Variants in MAP4K1 observed in about 807,000 individuals in gnomAD.
MAP4K1 encodes the protein MAPK/ERK kinase kinase kinase 1.
A neutral mutation model predicts 122.8 loss-of-function variants in MAP4K1; 35 were observed. The ratio of observed to expected loss-of-function variants is 0.29; its 90% CI spans 0.22 to 0.38. MAP4K1 has a LOEUF of 0.38. Ranked by LOEUF, MAP4K1 falls within the 10% of genes least tolerant of loss-of-function variation. MAP4K1 has a pLI of 1.00. For missense variants in MAP4K1, 791 were observed against 1,072.6 expected, an observed-to-expected ratio of 0.74 and a Z score of 3.67; for synonymous variants, 412 against 421.3, an observed-to-expected ratio of 0.98 and a Z score of 0.27.
At chr19:38,614,536 G>A (rs1024570100) in intron 4 of MAP4K1, 91 bp from the exon 5 acceptor site, 18 of 1,394,438 alleles carry the variant, frequency 1.3e-5, no homozygotes, top group Non-Finnish European at 1.8e-5. Flanking sequence ...AGCTAAGAGG[G>A]TGCCATAGGG....
chr19:38,598,762 C>G (rs1974964206), intron 22 of MAP4K1, among the ~76,000 whole-genome samples: 1 of 152,062 alleles, frequency 6.6e-6, no homozygotes, highest in South Asian at 2.1e-4. Flanking sequence ...ACCTGTAATC[C>G]CAGCACTTTG....
intron 19 of MAP4K1, among the ~76,000 whole-genome samples, chr19:38,604,894 C>G (rs1340147459): frequency 6.6e-6 from 1 of 151,814 alleles, no homozygotes; most frequent in Non-Finnish European, 1.5e-5. Flanking sequence ...CAAGACGAGC[C>G]TAACCAACAT....
chr19:38,593,372 A>G, intron 29 of MAP4K1, 35 bp from the exon 30 acceptor site: 1 of 1,567,188 alleles, frequency 6.4e-7, no homozygotes, highest in Non-Finnish European at 8.7e-7. Context: ...AGTGCCTGGA[A>G]GATACCTCCA....
At chr19:38,595,770 T>G (rs778322111) in intron 27 of MAP4K1, 41 bp from the exon 28 acceptor site, 2 of 1,544,312 alleles carry the variant, frequency 1.3e-6, no homozygotes, top group Admixed American at 1.7e-5. Flanking sequence ...TGAGCAAGGC[T>G]TAGAGGGTTA....
intron 19 of MAP4K1, among the ~76,000 whole-genome samples, chr19:38,605,144 G>A (rs1002469932): frequency 1.3e-5 from 2 of 150,846 alleles, no homozygotes; most frequent in Non-Finnish European, 2.9e-5. Context: ...CTCCTCAAAG[G>A]TATTTATATG....
At chr19:38,590,573 G>A (rs982551916) in intron 30 of MAP4K1, among the ~76,000 whole-genome samples, 1 of 151,044 alleles carries the variant, frequency 6.6e-6, no homozygotes, top group South Asian at 2.1e-4. Flanking sequence ...CCACCTCTCC[G>A]ATTCAAGTGA....
Position 38,605,413 on chromosome 19 carries a change from C to A in MAP4K1, c.1442G>T (p.Arg481Ile). 1 of 1,552,872 alleles carries A rather than the reference C, an allele frequency of 6.4e-7. No individual in the cohort carries two copies. Among genetic ancestry groups the A allele is most frequent in the East Asian group, 2.4e-5 (1 of 42,260 alleles). ...CTCAGCAGAGCTGAACCTCACCTTT[C>A]TCTTCATCTTTTCCTTCTTGGGGGG... ...LLPPKKEKMKRKGCALLVKLF... is the reference protein window; with the variant it reads ...LLPPKKEKMKIKGCALLVKLF... Residue 481 changes from arginine (R) to isoleucine (I), a missense_variant, in exon 19 of 31, where the codon AGA becomes ATA. By Grantham distance (97) the Arg-to-Ile change is moderately conservative (BLOSUM62 -3). Around this residue, in one of 4 missense-constraint regions of MAP4K1, gnomAD observed 303 missense variants for 344.8 expected, o/e 0.88. Transcript: ENST00000396857.
Position 38,588,632 on chromosome 19 carries a change from G to A in MAP4K1, c.2397-815C>T, listed in dbSNP as rs567426207. Among the ~76,000 whole-genome samples the A allele has an allele frequency of 5.3e-5, 8 of 151,788 alleles. No individual in the cohort carries two copies. The East Asian group carries it at 1.5e-3, about 29-fold the overall frequency. On this transcript the variant is annotated intron_variant, in intron 30 of 30. Transcript: ENST00000396857. ...GCCAGGTGTGGTGGCAGGCACTATA[G>A]TCCCAGCTACTCGGGAGGCTGAGGC...
intron 19 of MAP4K1, 117 bp downstream of exon 19, chr19:38,605,292 G>A: frequency 1.3e-6 from 1 of 757,444 alleles, no homozygotes; most frequent in African/African-American, 1.7e-5. Flanking sequence ...AGGGCACAGA[G>A]AAGCGCTCAA....
chr19:38,589,695 G>C (rs1244438171), intron 30 of MAP4K1, among the ~76,000 whole-genome samples: 1 of 152,086 alleles, frequency 6.6e-6, no homozygotes, highest in African/African-American at 2.4e-5. Flanking sequence ...GATTACAGGC[G>C]TGAGCCACCG....
At chr19:38,595,428 G>C in intron 29 of MAP4K1, 57 bp downstream of exon 29, 1 of 1,564,544 alleles carries the variant, frequency 6.4e-7, no homozygotes, top group South Asian at 1.1e-5. Flanking sequence ...CCCATCTGAT[G>C]AATGTCATGA....
At chr19:38,596,636 C>T (rs866576011) in intron 25 of MAP4K1, 150 bp from the exon 26 acceptor site, 20 of 718,042 alleles carry the variant, frequency 2.8e-5, no homozygotes, top group Non-Finnish European at 4.2e-5. Flanking sequence ...GGCCTGGTGC[C>T]TCCGCGGGAA....
intron 22 of MAP4K1, among the ~76,000 whole-genome samples, chr19:38,598,521 G>A (rs1401460960): frequency 6.6e-6 from 1 of 151,844 alleles, no homozygotes; most frequent in Non-Finnish European, 1.5e-5. Flanking sequence ...TAGTAGAGAC[G>A]AGGTCTCACT....
chr19:38,600,799 A>ATTT (rs560496607), intron 20 of MAP4K1, among the ~76,000 whole-genome samples: 193 of 90,976 alleles, frequency 2.1e-3, no homozygotes, highest in Non-Finnish European at 2.8e-3. Flanking sequence ...CCCTCTACCC[A>ATTT]TTTTTTTTTT....
At chr19:38,608,248 T>A in intron 13 of MAP4K1, 78 bp from the exon 14 acceptor site, 1 of 534,054 alleles carries the variant, frequency 1.9e-6, no homozygotes, top group Non-Finnish European at 3.2e-6. Context: ...ACAGAAAGAG[T>A]AGAATTGGCG....
In MAP4K1 at chr19:38,590,433, ATAT is replaced by A. The variant is rs1568619089; in HGVS notation, c.2397-2619_2397-2617del. Among the ~76,000 whole-genome samples the A allele has an allele frequency of 4.8e-4, 61 of 125,908 alleles. 1 individual carries two copies. Among genetic ancestry groups the A allele is most frequent in the Non-Finnish European group, 7.1e-4 (44 of 61,806 alleles). The allele number at this position is 125,908 out of a possible 152,430, so 82.6% of individuals were successfully genotyped here. A position where few individuals can be genotyped will look rare whatever the true frequency, so the allele number is the denominator to read the frequency against. On this transcript the variant is annotated intron_variant, in intron 30 of 30. Coordinates refer to ENST00000396857, the MANE Select transcript of MAP4K1 (RefSeq NM_001042600.3). ...TATATATATATATATATATATATAT[ATAT>A]AATCACGGGCGTCACTAGGACAACG...
intron 30 of MAP4K1, among the ~76,000 whole-genome samples, chr19:38,591,205 AAAAG>A (rs1387443459): frequency 6.6e-6 from 1 of 151,758 alleles, no homozygotes; most frequent in Non-Finnish European, 1.5e-5. Flanking sequence ...AAAGAAAAAA[AAAAG>A]AATAATAAGG....
In MAP4K1 at chr19:38,608,029, C is replaced by T. The variant is rs529903264; in HGVS notation, c.1070G>A (p.Arg357His). Residue 357 changes from arginine (R) to histidine (H), a missense_variant, in exon 15 of 31, where the codon CGC becomes CAC. Arg to His is a conservative substitution (Grantham distance 29). Transcript: ENST00000396857. Reference sequence around the variant, plus strand: ...CCTGAGGTCTCGAGGAGGCTGTAGGCGAGCCTGTGGGGTAGGAAAAGGGTC... The same window carrying T: ...CCTGAGGTCTCGAGGAGGCTGTAGGTGAGCCTGTGGGGTAGGAAAAGGGTC... The part of the protein sequence containing the change: ...METRPPANTA[R>H]LQPPRDLRSS... 3.3e-5 allele frequency: 53 copies of T among 1,601,262 alleles called. No homozygotes were observed. The South Asian group carries it at 4.0e-4, about 12-fold the overall frequency.
At position 38,612,622 on chromosome 19, in the gene MAP4K1, C is replaced by A. The variant is rs373092159; in HGVS notation, c.654G>T (p.Val218=). The A allele has an allele frequency of 3.8e-4, 607 of 1,612,692 alleles. No homozygotes were observed. Among genetic ancestry groups the A allele is most frequent in the Non-Finnish European group, 4.7e-4 (556 of 1,179,762 alleles). ...CCACGCCTGCCTACCTGAGAGGGTG[C>A]ACATCAAAGAGCGGTGGCTGTAGCT... is the stretch of plus-strand genomic sequence containing the variant. The part of the protein sequence containing the change: ...LAELQPPLFD[V]HPLRVLFLMT... Residue 218 remains valine, a synonymous_variant, in exon 9 of 31, where the codon GTG becomes GTT. Coordinates refer to ENST00000396857, the MANE Select transcript of MAP4K1 (RefSeq NM_001042600.3).
Sources: allele counts gnomAD v4.1 joint callset (sites outside exome capture counted in the v4.1 genomes callset), GRCh38; gene constraint gnomAD v4.1.1; regional missense constraint gnomAD v4.1.1; transcripts MANE v1.5; gene names NCBI Gene and HGNC (gene_info 2026-07-23, HGNC 2026-07-21).